Variants in NBPF15 observed in about 807,000 individuals in gnomAD.
NBPF15 encodes the protein NBPF member 15.
A neutral mutation model predicts 62.2 loss-of-function variants in NBPF15; 74 were observed. The ratio of observed to expected loss-of-function variants is 1.19; its 90% CI spans 0.99 to 1.44. The LOEUF (loss-of-function observed/expected upper bound fraction) is 1.44. Among genes scored for constraint, NBPF15 ranks in the 40% most tolerant of loss-of-function variants. NBPF15 has a pLI of 0.00. For missense variants in NBPF15, 790 were observed against 550.0 expected (o/e 1.44, Z -4.36); for synonymous variants, 244 against 209.7 (o/e 1.16, Z -1.41).
At position 144,426,381 on chromosome 1, in the gene NBPF15, C is replaced by T. The variant is rs372610539; in HGVS notation, c.1335G>A (p.Ser445=). Residue 445 remains serine, a synonymous_variant, in exon 18 of 22, where the codon TCG becomes TCA. Transcript: ENST00000581897. ...GCAGTTCAAGATAATCTGAAGGAGT[C>T]GAATAACATCTATCCAGTGAGTCCT... ...VLQDSLDRCY[S]TPSDYLELPD... 467,705 of 856,620 alleles carry T rather than the reference C, an allele frequency of 0.55. 133,272 individuals carry two copies. Among genetic ancestry groups the T allele is most frequent in the Non-Finnish European group, 0.59 (291,120 of 491,376 alleles). 53.1% of individuals were successfully genotyped at this position (856,620 alleles called of 1,614,324 possible). A position where few individuals can be genotyped will look rare whatever the true frequency, so the allele number is the denominator to read the frequency against.
chr1:144,426,400 G>A lies in NBPF15; in HGVS notation c.1316C>T (p.Ser439Leu). 1 of 820,642 alleles carries A rather than the reference G, an allele frequency of 1.2e-6. No individual in the cohort carries two copies. The highest frequency in any genetic ancestry group is 2.2e-6 in the Non-Finnish European group (1 of 457,282). The allele number at this position is 820,642 out of a possible 1,614,324, so 50.8% of individuals were successfully genotyped here. ...AGGAGTCGAATAACATCTATCCAGT[G>A]AGTCCTGCAAGACTTCAGGCTCTTT... ...DEKEPEVLQD[S>L]LDRCYSTPSD... Residue 439 changes from serine (S) to leucine (L), a missense_variant, in exon 18 of 22, where the codon TCA becomes TTA. By Grantham distance (145) the Ser-to-Leu change is moderately radical. Coordinates refer to ENST00000581897, the MANE Select transcript of NBPF15 (RefSeq NM_001385408.1).
chr1:144,428,957 T>C (rs1204378525), intron 14 of NBPF15, among the ~76,000 whole-genome samples: 1 of 152,062 alleles, frequency 6.6e-6, no homozygotes, highest in African/African-American at 2.4e-5. Flanking sequence ...CAAATAGTTC[T>C]AACACCTCAT....
At chr1:144,440,743 C>G (rs1254958865) in intron 6 of NBPF15, among the ~76,000 whole-genome samples, 1 of 149,428 alleles carries the variant, frequency 6.7e-6, no homozygotes, top group African/African-American at 2.5e-5. Context: ...AGCTCTGCCT[C>G]CCAGGTTCAC....
At chr1:144,452,129 G>A (rs1425746692) in intron 4 of NBPF15, among the ~76,000 whole-genome samples, 1 of 150,930 alleles carries the variant, frequency 6.6e-6, no homozygotes, top group Admixed American at 6.6e-5. Context: ...TCGAGCCCAA[G>A]GAAAAGAGAA....
intron 3 of NBPF15, among the ~76,000 whole-genome samples, chr1:144,458,850 G>A (rs1440644221): frequency 5.3e-5 from 8 of 151,640 alleles, no homozygotes; most frequent in African/African-American, 1.9e-4. Flanking sequence ...GACCAACCTG[G>A]GAAACATGTT....
chr1:144,438,811 A>T (rs1571135141), intron 8 of NBPF15, among the ~76,000 whole-genome samples: 1 of 151,868 alleles, frequency 6.6e-6, no homozygotes, highest in African/African-American at 2.4e-5. Flanking sequence ...AGCAACTTGG[A>T]TGGAGCCCAG....
At chr1:144,460,994 G>A (rs1652460675) in intron 1 of NBPF15, 33 bp from the exon 2 acceptor site, 1 of 151,066 alleles carries the variant, frequency 6.6e-6, no homozygotes, top group Non-Finnish European at 1.5e-5. Flanking sequence ...AATCCCGGAG[G>A]CCAATAAAGA....
In NBPF15 at chr1:144,423,157, G is replaced by A. The variant is rs1387371639; in HGVS notation, c.1869C>T (p.Asp623=). 4 of 1,611,598 alleles carry A rather than the reference G, an allele frequency of 2.5e-6. No individual in the cohort carries two copies. Among genetic ancestry groups the A allele is most frequent in the African/African-American group, 1.3e-5 (1 of 74,878 alleles). The change falls in exon 22 of 22, where the codon GAC becomes GAT. Residue 623 remains aspartate, a synonymous_variant. Coordinates refer to ENST00000581897, the MANE Select transcript of NBPF15 (RefSeq NM_001385408.1). ...ACACACTTCTGTAGTGCTGGAATGAGTCAGGTTGTTCAAAGTACATTGACG... is the reference window on the plus strand; with the variant it reads ...ACACACTTCTGTAGTGCTGGAATGAATCAGGTTGTTCAAAGTACATTGACG... ...STPSMYFEQP[D]SFQHYRSVFY...
At position 144,434,492 on chromosome 1, in the gene NBPF15, C is replaced by A. The variant is rs1390632576; in HGVS notation, c.772+619G>T. Reference sequence around the variant, plus strand: ...CTCCAGCCTGGGTGACAGAGCAAGACTCCATCGCAAAAAAAAAAAAAAAAA... The same window carrying A: ...CTCCAGCCTGGGTGACAGAGCAAGAATCCATCGCAAAAAAAAAAAAAAAAA... On this transcript the variant is annotated intron_variant, in intron 12 of 21. Transcript: ENST00000581897. 8.7e-3 allele frequency among the ~76,000 whole-genome samples: 1,162 copies of A among 134,038 alleles called. 14 individuals are homozygous for A. Among genetic ancestry groups the A allele is most frequent in the African/African-American group, 0.032 (1,102 of 34,114 alleles). 87.9% of individuals were successfully genotyped at this position (134,038 alleles called of 152,430 possible).
intron 17 of NBPF15, among the ~76,000 whole-genome samples, chr1:144,426,691 G>A (rs1396562084): frequency 4.6e-5 from 7 of 151,610 alleles, no homozygotes; most frequent in East Asian, 1.9e-4. Flanking sequence ...CGAATTGGCC[G>A]GGTGACACAC....
chr1:144,453,605 T>C (rs1235659644), intron 4 of NBPF15, among the ~76,000 whole-genome samples: 19 of 106,860 alleles, frequency 1.8e-4, no homozygotes, highest in African/African-American at 6.5e-4. Flanking sequence ...GTCCAAAATA[T>C]ATGAAGAATT....
At chr1:144,427,497 G>A (rs1157652622) in intron 16 of NBPF15, among the ~76,000 whole-genome samples, 2 of 149,562 alleles carry the variant, frequency 1.3e-5, no homozygotes, top group Non-Finnish European at 1.5e-5. Context: ...TTAGAGTGAA[G>A]GATGAAATCT....
At chr1:144,445,013 C>A (rs1686259310) in intron 6 of NBPF15, among the ~76,000 whole-genome samples, 1 of 151,590 alleles carries the variant, frequency 6.6e-6, no homozygotes, top group Admixed American at 6.6e-5. Flanking sequence ...GCTTTATATC[C>A]TCACCAACAG....
At chr1:144,450,627 G>A (rs1553545260) in intron 5 of NBPF15, 145 bp downstream of exon 5, 1 of 155,060 alleles carries the variant, frequency 6.4e-6, no homozygotes, top group African/African-American at 2.5e-5. Context: ...GTGGTAATGT[G>A]ATAATAGGCA....
intron 3 of NBPF15, among the ~76,000 whole-genome samples, chr1:144,458,038 G>C (rs1442390371): frequency 6.6e-6 from 1 of 151,106 alleles, no homozygotes; most frequent in East Asian, 1.9e-4. Flanking sequence ...AGAGACCCAT[G>C]ATCATACCAC....
Position 144,426,609 on chromosome 1 carries a change from G to T in NBPF15, c.1266-159C>A, listed in dbSNP as rs1219808276. The stretch of plus-strand genomic sequence containing the variant: ...ATTGCCTTTATGTTGGGATAGACCA[G>T]GGCCAGGTAGAAAAGAATGAAAGAG... On this transcript the variant is annotated intron_variant, in intron 17 of 21. Transcript: ENST00000581897. 2.7e-5 allele frequency among the ~76,000 whole-genome samples: 4 copies of T among 150,818 alleles called. No individual in the cohort carries two copies. The East Asian group carries it at 7.8e-4, about 30-fold the overall frequency.
intron 3 of NBPF15, among the ~76,000 whole-genome samples, chr1:144,457,814 C>A (rs374400047): frequency 6.6e-6 from 1 of 151,928 alleles, no homozygotes; most frequent in African/African-American, 2.4e-5. Context: ...AAATGGCCAG[C>A]GGTGATGGCT....
Position 144,439,932 on chromosome 1 carries a change from C to A in NBPF15, c.72G>T (p.Leu24Phe), listed in dbSNP as rs1681573899. ...EMNILEINEK[L>F]RPQLAEKKQQ... ...GTTTCTTCTCTGCCAACTGGGGGCG[C>A]AATTTCTCATTGATTTCTAGAATGT... is the stretch of plus-strand genomic sequence containing the variant. Residue 24 changes from leucine (L) to phenylalanine (F), a missense_variant, in exon 8 of 22, where the codon TTG becomes TTT. Transcript: ENST00000581897. 6.2e-7 allele frequency: 1 copy of A among 1,611,292 alleles called. No individual in the cohort carries two copies. The highest frequency in any genetic ancestry group is 8.5e-7 in the Non-Finnish European group (1 of 1,179,074).
rs201220418 is a variant in NBPF15, at chr1:144,424,025, C to T, written c.1664-50G>A. The T allele has an allele frequency of 6.2e-4, 471 of 761,654 alleles. 5 individuals carry two copies. The highest frequency in any genetic ancestry group is 1.4e-3 in the Middle Eastern group (4 of 2,778). The allele number at this position is 761,654 out of a possible 1,614,324, so 47.2% of individuals were successfully genotyped here. ...GACACATTAAGCTGATTCCCCTACA[C>T]ATATAACAATCCACTGTCTAATCCT... On this transcript the variant is annotated intron_variant, in intron 20 of 21. Transcript: ENST00000581897.
Sources: gnomAD v4.1 joint callset for allele counts (sites outside exome capture counted in the v4.1 genomes callset) on GRCh38, gnomAD v4.1.1 for gene constraint, MANE v1.5 for transcripts, NCBI Gene and HGNC (gene_info 2026-07-23, HGNC 2026-07-21) for gene names.